MARCHF1: variants seen among roughly 807,000 people sequenced by gnomAD.
MARCHF1 encodes membrane associated ring-CH-type finger 1.
Under a neutral mutation model 54.2 loss-of-function variants are expected in MARCHF1, and 40 were observed. The observed-to-expected ratio is 0.74, with a 90% CI of 0.57 to 0.96. The LOEUF is 0.96. Ranked by LOEUF, MARCHF1 falls within the 40% of genes least tolerant of loss-of-function variation. The pLI is 0.00. For synonymous variants in MARCHF1, 236 were observed against 236.3 expected (o/e 1.00, Z 0.01); for missense variants, 586 against 656.5 (o/e 0.89, Z 1.17).
At chr4:164,180,287 G>A (rs539203390) in intron 1 of MARCHF1, among the ~76,000 whole-genome samples, 1 of 152,050 alleles carries the variant, frequency 6.6e-6, no homozygotes, top group South Asian at 2.1e-4. Flanking sequence ...AATTCAACAT[G>A]TGCTGAATTT....
At chr4:163,577,107 G>T (rs1579078402) in intron 8 of MARCHF1, among the ~76,000 whole-genome samples, 1 of 152,004 alleles carries the variant, frequency 6.6e-6, no homozygotes, top group Admixed American at 6.6e-5. Flanking sequence ...TCATGAGATG[G>T]TTAGCTGGTT....
chr4:163,957,253 T>C (rs1011996338), intron 3 of MARCHF1, among the ~76,000 whole-genome samples: 1 of 152,032 alleles, frequency 6.6e-6, no homozygotes, highest in African/African-American at 2.4e-5. Flanking sequence ...ATGTGACAAA[T>C]GTATTTTCAA....
intron 1 of MARCHF1, among the ~76,000 whole-genome samples, chr4:164,311,930 T>G (rs1442469011): frequency 6.6e-6 from 1 of 152,232 alleles, no homozygotes; most frequent in Admixed American, 6.5e-5. Flanking sequence ...TCTCTTCTCT[T>G]AAATTTGGGC....
rs182768660 is a variant in MARCHF1, at chr4:164,286,197, G to A, written c.-323+97673C>T. 3.0e-3 allele frequency among the ~76,000 whole-genome samples: 452 copies of A among 152,236 alleles called. 1 individual carries two copies. Among genetic ancestry groups the A allele is most frequent in the Non-Finnish European group, 4.4e-3 (297 of 67,994 alleles). On this transcript the variant is annotated intron_variant, in intron 1 of 9. Transcript: ENST00000514618. ...TTTTAGTTACATACTGTGGTGGAGGGATTTTTATGAAACTTGTGTTTAGAC... is the reference window on the plus strand; with the variant it reads ...TTTTAGTTACATACTGTGGTGGAGGAATTTTTATGAAACTTGTGTTTAGAC...
At chr4:163,774,536 T>TA (rs987892868) in intron 4 of MARCHF1, among the ~76,000 whole-genome samples, 2 of 149,632 alleles carry the variant, frequency 1.3e-5, no homozygotes, top group Admixed American at 6.7e-5. Flanking sequence ...CTCACTCTGT[T>TA]GCCCAGGCTG....
intron 1 of MARCHF1, among the ~76,000 whole-genome samples, chr4:164,284,556 T>C (rs1734101271): frequency 6.6e-6 from 1 of 151,114 alleles, no homozygotes; most frequent in Non-Finnish European, 1.5e-5. Context: ...AAAAACTACT[T>C]TGCATAAACA....
chr4:164,027,764 G>A (rs952879967), intron 2 of MARCHF1, among the ~76,000 whole-genome samples: 1 of 151,846 alleles, frequency 6.6e-6, no homozygotes, highest in Non-Finnish European at 1.5e-5. Context: ...CCTATAAAGA[G>A]TTTCTGCACT....
intron 1 of MARCHF1, among the ~76,000 whole-genome samples, chr4:164,378,011 G>A (rs931310091): frequency 6.6e-6 from 1 of 152,076 alleles, no homozygotes; most frequent in African/African-American, 2.4e-5. Context: ...TGATGGTTTT[G>A]GTCAACAATA....
At chr4:163,542,618 A>G (rs1007984451) in intron 9 of MARCHF1, among the ~76,000 whole-genome samples, 3 of 152,196 alleles carry the variant, frequency 2.0e-5, no homozygotes, top group Non-Finnish European at 2.9e-5. Context: ...GCAGGATGCT[A>G]TGGGACTACG....
intron 3 of MARCHF1, among the ~76,000 whole-genome samples, chr4:163,858,016 T>C (rs1263074141): frequency 7.2e-6 from 1 of 138,694 alleles, no homozygotes; most frequent in African/African-American, 2.7e-5. Context: ...AAAGTAACAA[T>C]TACAAGTAAT....
At position 164,184,970 on chromosome 4, in the gene MARCHF1, T is replaced by C. The variant is rs149953684; in HGVS notation, c.-322-73308A>G. ...TGTCACTGAACTATAAAATTAAAAA[T>C]GATTAAGATGGTAAATTTCATATTG... On this transcript the variant is annotated intron_variant, in intron 1 of 9. Transcript: ENST00000514618. 3.3e-5 allele frequency among the ~76,000 whole-genome samples: 5 copies of C among 152,340 alleles called. No individual in the cohort carries two copies. In the East Asian group the frequency reaches 9.6e-4, roughly 29 times the overall value.
At chr4:164,303,287 A>C (rs1429154150) in intron 1 of MARCHF1, among the ~76,000 whole-genome samples, 2 of 152,230 alleles carry the variant, frequency 1.3e-5, no homozygotes, top group African/African-American at 2.4e-5. Flanking sequence ...TTTATGATTT[A>C]TTCCAGTGCA....
At chr4:163,549,127 A>C (rs778276471) in intron 8 of MARCHF1, among the ~76,000 whole-genome samples, 1 of 152,218 alleles carries the variant, frequency 6.6e-6, no homozygotes, top group Non-Finnish European at 1.5e-5. Flanking sequence ...CAGCCTCAGC[A>C]GTGCCAGCCT....
intron 2 of MARCHF1, among the ~76,000 whole-genome samples, chr4:164,010,722 C>T (rs982728161): frequency 6.6e-6 from 1 of 151,936 alleles, no homozygotes; most frequent in African/African-American, 2.4e-5. Flanking sequence ...ATGCAATCCC[C>T]ATCAGAATAC....
At chr4:164,151,188 G>A (rs1320219794) in intron 1 of MARCHF1, among the ~76,000 whole-genome samples, 1 of 152,144 alleles carries the variant, frequency 6.6e-6, no homozygotes, top group African/African-American at 2.4e-5. Context: ...GACAATGTAT[G>A]CAATAATTTG....
chr4:164,292,958 T>C (rs1325149772), intron 1 of MARCHF1, among the ~76,000 whole-genome samples: 23 of 152,258 alleles, frequency 1.5e-4, no homozygotes, highest in Admixed American at 1.5e-3. Flanking sequence ...ACTACTTCCT[T>C]CTTCTAACCA....
intron 5 of MARCHF1, among the ~76,000 whole-genome samples, chr4:163,691,861 T>C (rs1305204052): frequency 6.6e-6 from 1 of 152,156 alleles, no homozygotes; most frequent in Non-Finnish European, 1.5e-5. Flanking sequence ...CTGATGATCA[T>C]AGCTACTCCC....
At chr4:163,956,054 G>T (rs1752227078) in intron 3 of MARCHF1, among the ~76,000 whole-genome samples, 1 of 152,052 alleles carries the variant, frequency 6.6e-6, no homozygotes, top group Admixed American at 6.6e-5. Context: ...TAATAGCATT[G>T]TACCAATGTT....
At chr4:163,914,855 A>G (rs1751272812) in intron 3 of MARCHF1, among the ~76,000 whole-genome samples, 1 of 152,130 alleles carries the variant, frequency 6.6e-6, no homozygotes, top group Admixed American at 6.6e-5. Context: ...TACACTAGGT[A>G]TTATTAGAGT....
Sources: gnomAD v4.1 joint callset for allele counts (sites outside exome capture counted in the v4.1 genomes callset) on GRCh38, gnomAD v4.1.1 for gene constraint, MANE v1.5 for transcripts, NCBI Gene and HGNC (gene_info 2026-07-23, HGNC 2026-07-21) for gene names.